The following DSCAML1 variants were observed in gnomAD, a reference collection of about 807,000 sequenced individuals.
The protein encoded by DSCAML1 is DS cell adhesion molecule like 1, also known as cell adhesion molecule DSCAML1.
Under a neutral mutation model 200.5 loss-of-function variants are expected in DSCAML1, and 38 were observed. That is an observed-to-expected ratio of 0.19 (90% CI 0.15 to 0.25). DSCAML1 has a LOEUF of 0.25. Ranked by LOEUF, DSCAML1 falls within the 10% of genes least tolerant of loss-of-function variation. The pLI is 1.00. For missense variants in DSCAML1, 2,223 were observed against 2,858.8 expected (o/e 0.78, Z 5.07); for synonymous variants, 1,215 against 1,165.0 (o/e 1.04, Z -0.87).
chr11:117,679,283 A>G (rs1037660233), intron 3 of DSCAML1, among the ~76,000 whole-genome samples: 3 of 152,202 alleles, frequency 2.0e-5, no homozygotes, highest in Non-Finnish European at 4.4e-5. Context: ...AGCAGACACC[A>G]GGATTCATGA....
intron 4 of DSCAML1, 141 bp downstream of exon 4, chr11:117,532,235 T>C: frequency 1.3e-6 from 1 of 758,368 alleles, no homozygotes; most frequent in Non-Finnish European, 2.0e-6. Context: ...TTTCAGTACC[T>C]GATTTCTTTA....
At chr11:117,470,978 C>T (rs919811912) in intron 15 of DSCAML1, among the ~76,000 whole-genome samples, 5 of 151,726 alleles carry the variant, frequency 3.3e-5, no homozygotes, top group Non-Finnish European at 7.4e-5. Flanking sequence ...GGTGACAGTA[C>T]AAAAAAGAAT....
chr11:117,752,416 A>T (rs536477278), intron 3 of DSCAML1, among the ~76,000 whole-genome samples: 2 of 152,248 alleles, frequency 1.3e-5, no homozygotes. Context: ...CTCACAGCAC[A>T]TCATTTTACT....
intron 3 of DSCAML1, among the ~76,000 whole-genome samples, chr11:117,680,799 G>T (rs1383621158): frequency 6.6e-6 from 1 of 152,194 alleles, no homozygotes; most frequent in South Asian, 2.1e-4. Flanking sequence ...CACGCCCCCT[G>T]CCAGGCAGGG....
At chr11:117,627,585 C>T (rs937485512) in intron 3 of DSCAML1, among the ~76,000 whole-genome samples, 2 of 152,156 alleles carry the variant, frequency 1.3e-5, no homozygotes, top group Admixed American at 6.5e-5. Flanking sequence ...CTATGTAAAG[C>T]CCGTCTGCTG....
Position 117,480,205 on chromosome 11 carries a change from G to T in DSCAML1, c.2785+238C>A, listed in dbSNP as rs185779760. Among the ~76,000 whole-genome samples the T allele has an allele frequency of 1.2e-3, 178 of 152,334 alleles. No individual in the cohort carries two copies. The highest frequency in any genetic ancestry group is 2.8e-3 in the Admixed American group (43 of 15,306). ...CCTGGCCCAGGGACAGTCCTGGAAAGGAGCTGACATCACTACCCATCAACT... is the reference window on the plus strand; with the variant it reads ...CCTGGCCCAGGGACAGTCCTGGAAATGAGCTGACATCACTACCCATCAACT... On this transcript the variant is annotated intron_variant, in intron 14 of 32. Coordinates refer to ENST00000651296, the MANE Select transcript of DSCAML1 (RefSeq NM_020693.4). This position sits in a 1 kb window ranked among gnomAD's most constrained non-coding sequence, Gnocchi z 4.1.
chr11:117,588,241 CG>C (rs1565809603), intron 3 of DSCAML1, among the ~76,000 whole-genome samples: 1 of 151,984 alleles, frequency 6.6e-6, no homozygotes, highest in Non-Finnish European at 1.5e-5. Context: ...CACCCTAGCT[CG>C]GGGGTCGGGG....
chr11:117,735,459 C>T (rs2054299951), intron 3 of DSCAML1, among the ~76,000 whole-genome samples: 1 of 152,100 alleles, frequency 6.6e-6, no homozygotes, highest in South Asian at 2.1e-4. Flanking sequence ...AGGTCCAAGA[C>T]ACCTGCCCCT....
At chr11:117,682,890 G>A (rs1395237668) in intron 3 of DSCAML1, among the ~76,000 whole-genome samples, 1 of 152,162 alleles carries the variant, frequency 6.6e-6, no homozygotes, top group Admixed American at 6.5e-5. Context: ...AGGAAACTGA[G>A]GCCCGAAGAG....
chr11:117,766,710 G>A (rs2054903948), intron 3 of DSCAML1, among the ~76,000 whole-genome samples: 1 of 152,158 alleles, frequency 6.6e-6, no homozygotes, highest in Non-Finnish European at 1.5e-5. Context: ...GGGGTGCTCT[G>A]GAAATGCAGC....
At chr11:117,566,755 A>T (rs2050766212) in intron 3 of DSCAML1, among the ~76,000 whole-genome samples, 1 of 136,306 alleles carries the variant, frequency 7.3e-6, no homozygotes, top group Non-Finnish European at 1.6e-5. Context: ...CAGTCCCCAG[A>T]GTGTGATGTT....
At position 117,463,304 on chromosome 11, in the gene DSCAML1, T is replaced by TG. The variant is rs1388345293; in HGVS notation, c.3265+1637_3265+1638insC. Among the ~76,000 whole-genome samples, 2 of 152,094 alleles carry TG rather than the reference T, an allele frequency of 1.3e-5. No individual in the cohort carries two copies. Among genetic ancestry groups the TG allele is most frequent in the Non-Finnish European group, 2.9e-5 (2 of 68,014 alleles). On this transcript the variant is annotated intron_variant, in intron 17 of 32. Transcript: ENST00000651296. The surrounding 1 kb of genome is among the most constrained non-coding windows in gnomAD (Gnocchi z 4.0). ...ATTGTGCGACTCTTGGTGCTATGAT[T>TG]CCCAAAGGTGCTCCCTGGACAAGCA...
At chr11:117,539,266 C>T (rs1481488067) in intron 3 of DSCAML1, among the ~76,000 whole-genome samples, 1 of 152,138 alleles carries the variant, frequency 6.6e-6, no homozygotes, top group Non-Finnish European at 1.5e-5. Flanking sequence ...TGGCAAACCT[C>T]TTGTCCTGCT....
intron 8 of DSCAML1, among the ~76,000 whole-genome samples, chr11:117,510,563 C>G: frequency 6.6e-6 from 1 of 152,146 alleles, no homozygotes; most frequent in East Asian, 1.9e-4. Flanking sequence ...ATTGCAAACC[C>G]CGTCTCCTTG....
intron 19 of DSCAML1, 98 bp downstream of exon 19, chr11:117,458,656 A>G (rs1471838876): frequency 6.9e-7 from 1 of 1,459,162 alleles, no homozygotes; most frequent in Admixed American, 2.0e-5. Flanking sequence ...GCCAGGAGAA[A>G]GGACAGTACC....
chr11:117,613,475 T>G (rs1042712312), intron 3 of DSCAML1, among the ~76,000 whole-genome samples: 1 of 151,992 alleles, frequency 6.6e-6, no homozygotes, highest in Non-Finnish European at 1.5e-5. Flanking sequence ...ACAATACACT[T>G]TGTGAGAGGA....
chr11:117,609,180 C>G (rs2051637897), intron 3 of DSCAML1, among the ~76,000 whole-genome samples: 1 of 150,034 alleles, frequency 6.7e-6, no homozygotes, highest in South Asian at 2.1e-4. Flanking sequence ...GGCTGGGCGA[C>G]AGAGCCAGAC....
chr11:117,635,541 G>C (rs1005894694), intron 3 of DSCAML1, among the ~76,000 whole-genome samples: 3 of 151,858 alleles, frequency 2.0e-5, no homozygotes, highest in African/African-American at 7.3e-5. Flanking sequence ...AGGGGTCAGG[G>C]GAAGGAGGGG....
In DSCAML1 at chr11:117,503,941, G is replaced by A. The variant is rs773368695; in HGVS notation, c.2263C>T (p.Arg755Cys). The change falls in exon 11 of 33, where the codon CGC becomes TGC. Residue 755 changes from arginine to cysteine, a missense_variant. By Grantham distance (180) the Arg-to-Cys change is radical (BLOSUM62 -3). Around this residue, in one of 7 missense-constraint regions of DSCAML1, gnomAD observed 212 missense variants for 368.0 expected, o/e 0.58. Transcript: ENST00000651296. The surrounding 1 kb of genome is among the most constrained non-coding windows in gnomAD (Gnocchi z 5.2). ...QILPNSSLLI[R>C]HVLEEDIGYY... ...CCGATGTCCTCTTCTAGGACGTGGCGGATCAGCAGCGAGCTGTTGGGCAGG... is the reference window on the plus strand; with the variant it reads ...CCGATGTCCTCTTCTAGGACGTGGCAGATCAGCAGCGAGCTGTTGGGCAGG... 1.1e-5 allele frequency: 17 copies of A among 1,614,048 alleles called. No individual in the cohort carries two copies. The highest frequency in any genetic ancestry group is 1.3e-5 in the African/African-American group (1 of 74,914).
Sources: gnomAD v4.1 joint callset for allele counts (sites outside exome capture counted in the v4.1 genomes callset) on GRCh38, gnomAD v4.1.1 for gene constraint, gnomAD v4.1.1 regional missense constraint, Gnocchi (gnomAD v3.1) non-coding constraint, MANE v1.5 for transcripts, NCBI Gene and HGNC (gene_info 2026-07-23, HGNC 2026-07-21) for gene names.